GALNT1: variants seen among roughly 807,000 people sequenced by gnomAD.
GALNT1 encodes GalNAc transferase 1.
Under a neutral mutation model 65.7 loss-of-function variants are expected in GALNT1, and 17 were observed. The observed-to-expected ratio is 0.26, with a 90% CI of 0.18 to 0.39. GALNT1 has a LOEUF of 0.39. GALNT1 is among the 10% of genes least tolerant of loss of function. The probability of loss-of-function intolerance (pLI) is 1.00; values close to 1 mark genes in which losing one functional copy is unlikely to be tolerated. For missense variants in GALNT1, 460 were observed against 672.8 expected (o/e 0.68, Z 3.50); for synonymous variants, 210 against 219.7 (o/e 0.96, Z 0.39).
At chr18:35,696,904 A>G (rs979241289) in intron 9 of GALNT1, among the ~76,000 whole-genome samples, 3 of 152,236 alleles carry the variant, frequency 2.0e-5, no homozygotes, top group Non-Finnish European at 2.9e-5. Flanking sequence ...AAATGGTTTA[A>G]CAAAGCTCTT....
chr18:35,605,369 G>A (rs2046632994), intron 1 of GALNT1, among the ~76,000 whole-genome samples: 1 of 151,810 alleles, frequency 6.6e-6, no homozygotes, highest in Admixed American at 6.6e-5. Flanking sequence ...GTGATGATGG[G>A]CATCTGAAAT....
chr18:35,657,590 AG>A (rs1198603843), intron 2 of GALNT1, among the ~76,000 whole-genome samples: 1 of 152,228 alleles, frequency 6.6e-6, no homozygotes, highest in African/African-American at 2.4e-5. Flanking sequence ...AAGGCTTCCC[AG>A]GAAGTCAGAG....
upstream of GALNT1, among the ~76,000 whole-genome samples, chr18:35,581,530 C>A (rs1212427108): frequency 0.05 from 14 of 280 alleles, no homozygotes; most frequent in African/African-American, 0.14. Flanking sequence ...CGCCCGAGCG[C>A]CTGCGGGCGC....
intron 4 of GALNT1, among the ~76,000 whole-genome samples, chr18:35,680,542 A>G (rs989623018): frequency 3.3e-5 from 5 of 152,240 alleles, no homozygotes; most frequent in African/African-American, 1.2e-4. Flanking sequence ...GAATGGGTGA[A>G]AGAATAATGT....
At chr18:35,682,129 C>G in intron 4 of GALNT1, among the ~76,000 whole-genome samples, 1 of 152,084 alleles carries the variant, frequency 6.6e-6, no homozygotes. Flanking sequence ...AGACTTGGTT[C>G]ATAAAATCAC....
intron 1 of GALNT1, among the ~76,000 whole-genome samples, chr18:35,614,855 C>T (rs991966857): frequency 4.0e-5 from 6 of 151,096 alleles, no homozygotes; most frequent in African/African-American, 1.5e-4. Flanking sequence ...AAATATTTCT[C>T]AATAGTAAAA....
chr18:35,585,059 G>C (rs1358553740), intron 1 of GALNT1, among the ~76,000 whole-genome samples: 1 of 152,216 alleles, frequency 6.6e-6, no homozygotes, highest in Non-Finnish European at 1.5e-5. Flanking sequence ...CACATTAGCA[G>C]TAAAGGATGC....
chr18:35,584,082 T>A (rs1168118939), intron 1 of GALNT1, among the ~76,000 whole-genome samples: 1 of 152,212 alleles, frequency 6.6e-6, no homozygotes, highest in African/African-American at 2.4e-5. Context: ...TTTGACATCA[T>A]GTTTCTTTAA....
intron 1 of GALNT1, chr18:35,596,701 A>G (rs1019329425): frequency 3.9e-5 from 6 of 152,214 alleles, no homozygotes; most frequent in Admixed American, 2.6e-4. Context: ...CTCCCATGCA[A>G]CTCAACTCCA....
At chr18:35,705,023 T>C (rs945668469) in intron 11 of GALNT1, among the ~76,000 whole-genome samples, 17 of 152,224 alleles carry the variant, frequency 1.1e-4, no homozygotes, top group Non-Finnish European at 2.2e-4. Flanking sequence ...GTTTGCTCTC[T>C]GTTCCTTTTG....
At chr18:35,677,901 T>C (rs566956897) in intron 4 of GALNT1, 144 bp downstream of exon 4, 29 of 580,032 alleles carry the variant, frequency 5.0e-5, no homozygotes, top group Non-Finnish European at 8.1e-5. Flanking sequence ...CATTCACATA[T>C]GTAAAAAAGT....
intron 1 of GALNT1, among the ~76,000 whole-genome samples, chr18:35,594,130 G>A (rs1480892946): frequency 6.6e-6 from 1 of 151,922 alleles, no homozygotes; most frequent in African/African-American, 2.4e-5. Flanking sequence ...CCTTGTCTCT[G>A]GCATAACTTT....
At chr18:35,638,455 C>T (rs572740076) in intron 1 of GALNT1, among the ~76,000 whole-genome samples, 1 of 152,104 alleles carries the variant, frequency 6.6e-6, no homozygotes, top group Non-Finnish European at 1.5e-5. Context: ...GTGCTTCCCC[C>T]CTTCCCCACC....
chr18:35,597,855 T>C (rs1196654650), intron 1 of GALNT1, among the ~76,000 whole-genome samples: 1 of 152,190 alleles, frequency 6.6e-6, no homozygotes, highest in Non-Finnish European at 1.5e-5. Context: ...GCCTTGAAAT[T>C]AGGCATTAAA....
intron 1 of GALNT1, among the ~76,000 whole-genome samples, chr18:35,602,621 C>G (rs2046596075): frequency 6.6e-6 from 1 of 152,072 alleles, no homozygotes; most frequent in Non-Finnish European, 1.5e-5. Flanking sequence ...TCGGCTTGAT[C>G]CATTCTCCTG....
intron 1 of GALNT1, among the ~76,000 whole-genome samples, chr18:35,625,329 CA>C (rs1555646026): frequency 3.3e-5 from 5 of 151,974 alleles, no homozygotes; most frequent in Non-Finnish European, 2.9e-5. Context: ...AGTAGGGAAC[CA>C]ATAAAGAAGA....
At chr18:35,634,372 T>C (rs2047061883) in intron 1 of GALNT1, among the ~76,000 whole-genome samples, 1 of 152,290 alleles carries the variant, frequency 6.6e-6, no homozygotes, top group South Asian at 2.1e-4. Flanking sequence ...ATATGCTGAT[T>C]GTGTGGGGGT....
chr18:35,623,841 C>T (rs749513383), intron 1 of GALNT1, among the ~76,000 whole-genome samples: 3 of 152,148 alleles, frequency 2.0e-5, no homozygotes, highest in Admixed American at 6.5e-5. Context: ...ATAGTAGGTA[C>T]GTTATAGTCC....
At chr18:35,589,001 A>G (rs1265799593) in intron 1 of GALNT1, among the ~76,000 whole-genome samples, 3 of 152,120 alleles carry the variant, frequency 2.0e-5, no homozygotes, top group Admixed American at 2.0e-4. Context: ...ATATTATACT[A>G]TGAGATTCTG....
Sources: gnomAD v4.1 joint callset for allele counts (sites outside exome capture counted in the v4.1 genomes callset) on GRCh38, gnomAD v4.1.1 for gene constraint, MANE v1.5 for transcripts, NCBI Gene and HGNC (gene_info 2026-07-23, HGNC 2026-07-21) for gene names.